ME3: variants seen among roughly 807,000 people sequenced by gnomAD.
ME3 encodes malic enzyme 3.
ME3 carries 48 observed loss-of-function variants against 68.9 expected under a neutral mutation model. The ratio of observed to expected loss-of-function variants is 0.70; its 90% CI spans 0.55 to 0.89. The LOEUF (loss-of-function observed/expected upper bound fraction) is 0.89, where lower values mean the gene tolerates loss of function less well. Among genes scored for constraint, ME3 ranks in the 40% least tolerant of loss-of-function variants. ME3 has a pLI of 0.00. For missense variants in ME3, 675 were observed against 797.4 expected (o/e 0.85, Z 1.85); for synonymous variants, 320 against 318.8 (o/e 1.00, Z -0.04).
intron 2 of ME3, among the ~76,000 whole-genome samples, chr11:86,650,126 C>A (rs1477217313): frequency 1.3e-5 from 2 of 152,112 alleles, no homozygotes; most frequent in Non-Finnish European, 2.9e-5. Context: ...ACTAATGGAA[C>A]AGAACAGAGA....
intron 8 of ME3, among the ~76,000 whole-genome samples, chr11:86,455,004 G>A (rs1431983416): frequency 6.6e-6 from 1 of 152,256 alleles, no homozygotes; most frequent in African/African-American, 2.4e-5. Context: ...GTGGACATCA[G>A]AAGGCGGGAC....
At chr11:86,496,488 G>A (rs1312888616) in intron 6 of ME3, among the ~76,000 whole-genome samples, 3 of 152,156 alleles carry the variant, frequency 2.0e-5, no homozygotes, top group East Asian at 1.9e-4. Flanking sequence ...AAGAGTCTTG[G>A]CAAATTTTCT....
chr11:86,513,644 T>A (rs955472693), intron 4 of ME3, among the ~76,000 whole-genome samples: 1 of 152,090 alleles, frequency 6.6e-6, no homozygotes, highest in African/African-American at 2.4e-5. Context: ...CACATTGGGG[T>A]CCCTAATAGT....
At chr11:86,583,890 A>G (rs924370967) in intron 2 of ME3, among the ~76,000 whole-genome samples, 3 of 152,210 alleles carry the variant, frequency 2.0e-5, no homozygotes, top group Non-Finnish European at 4.4e-5. Context: ...GAAAAACTTT[A>G]TGACATTGGA....
chr11:86,668,312 A>T (rs1418980692), intron 2 of ME3: 3 of 152,216 alleles, frequency 2.0e-5, no homozygotes, highest in African/African-American at 7.2e-5. Context: ...AATCCACAGT[A>T]AAAATAGTCA....
chr11:86,449,376 T>C (rs1949503855), intron 10 of ME3, among the ~76,000 whole-genome samples: 1 of 152,146 alleles, frequency 6.6e-6, no homozygotes, highest in South Asian at 2.1e-4. Context: ...TCAAGACTAG[T>C]CTAGTGGGGA....
chr11:86,451,546 C>T (rs1949633730), intron 8 of ME3, among the ~76,000 whole-genome samples: 1 of 152,190 alleles, frequency 6.6e-6, no homozygotes, highest in Non-Finnish European at 1.5e-5. Flanking sequence ...GATACTGTTA[C>T]TGTTGAATGA....
chr11:86,578,918 G>T (rs1304308669), intron 2 of ME3, among the ~76,000 whole-genome samples: 1 of 152,122 alleles, frequency 6.6e-6, no homozygotes, highest in African/African-American at 2.4e-5. Flanking sequence ...TTCCCATTTT[G>T]CAGATAGGAA....
intron 2 of ME3, among the ~76,000 whole-genome samples, chr11:86,613,290 C>T (rs1942724591): frequency 6.6e-6 from 1 of 152,022 alleles, no homozygotes; most frequent in Non-Finnish European, 1.5e-5. Context: ...TAAAAACTCT[C>T]AATAAACTAG....
At position 86,497,947 on chromosome 11, in the gene ME3, C is replaced by T; in HGVS notation, c.705+16G>A. ...ACCTTTTGGCCCCAGAGCTCCTGCC[C>T]TGGGCAGTGGGTTACCTCATTGTTG... On this transcript the variant is annotated intron_variant, in intron 6 of 14. Coordinates refer to ENST00000543262, the Ensembl canonical transcript of ME3. 1 of 1,581,828 alleles carries T rather than the reference C, an allele frequency of 6.3e-7. No individual in the cohort carries two copies. The highest frequency in any genetic ancestry group is 8.6e-7 in the Non-Finnish European group (1 of 1,161,950).
At chr11:86,487,229 G>A in intron 7 of ME3, 108 bp downstream of exon 7, 1 of 851,338 alleles carries the variant, frequency 1.2e-6, no homozygotes, top group East Asian at 2.6e-5. Flanking sequence ...ACCTGGAAAA[G>A]CATGCATCTA....
intron 2 of ME3, chr11:86,622,852 C>G (rs1351241518): frequency 6.6e-6 from 1 of 151,906 alleles, no homozygotes; most frequent in African/African-American, 2.4e-5. Flanking sequence ...CCCAACCACT[C>G]CCCCTGGAAG....
At chr11:86,441,128 T>A (rs1237920011) in exon 15 of ME3, 11 of 690,278 alleles carry the variant, frequency 1.6e-5, no homozygotes, top group Non-Finnish European at 2.1e-5. Flanking sequence ...AGGCTTTTAT[T>A]CACTGTATGC....
intron 8 of ME3, among the ~76,000 whole-genome samples, chr11:86,458,155 GCCA>G (rs1436582409): frequency 6.6e-6 from 1 of 152,222 alleles, no homozygotes; most frequent in African/African-American, 2.4e-5. Context: ...AGTAGATACT[GCCA>G]TTCATTTATT....
At chr11:86,480,719 T>TC (rs534213207) in intron 7 of ME3, among the ~76,000 whole-genome samples, 29 of 152,280 alleles carry the variant, frequency 1.9e-4, no homozygotes, top group Non-Finnish European at 3.8e-4. Context: ...ATGCAATTAT[T>TC]CCCCGCATGA....
chr11:86,451,656 TC>T (rs1190766011), intron 8 of ME3, among the ~76,000 whole-genome samples: 29 of 152,314 alleles, frequency 1.9e-4, no homozygotes, highest in African/African-American at 7.0e-4. Context: ...AATGGATTAC[TC>T]CCATCATGGA....
At chr11:86,492,242 A>T (rs1244201921) in intron 6 of ME3, among the ~76,000 whole-genome samples, 1 of 152,242 alleles carries the variant, frequency 6.6e-6, no homozygotes, top group East Asian at 1.9e-4. Flanking sequence ...GCATCTCCCC[A>T]GCTAATTGTA....
chr11:86,528,382 CT>C (rs1352329023), intron 4 of ME3, among the ~76,000 whole-genome samples: 1 of 152,186 alleles, frequency 6.6e-6, no homozygotes, highest in Non-Finnish European at 1.5e-5. Flanking sequence ...TACAAAGAGA[CT>C]TAGACTCCCA....
In ME3 at chr11:86,606,136, G is replaced by A. The variant is rs568638207; in HGVS notation, c.184-46313C>T. ...CTTGAGAATAACAACAATATCATGT[G>A]ACCCTTACATAGCAATGGTCAATTT... is the stretch of plus-strand genomic sequence containing the variant. On this transcript the variant is annotated intron_variant, in intron 2 of 14. Transcript: ENST00000543262. 1.4e-4 allele frequency among the ~76,000 whole-genome samples: 21 copies of A among 152,296 alleles called. No individual in the cohort carries two copies. In the South Asian group the frequency reaches 4.1e-3, roughly 30 times the overall value.
Sources: allele counts gnomAD v4.1 joint callset (sites outside exome capture counted in the v4.1 genomes callset), GRCh38; gene constraint gnomAD v4.1.1; transcripts MANE v1.5; gene names NCBI Gene and HGNC (gene_info 2026-07-23, HGNC 2026-07-21).